The following SUPT3H variants were observed in gnomAD, a reference collection of about 807,000 sequenced individuals.
SUPT3H encodes SPT3 homolog, SAGA and STAGA complex component, also known as transcription initiation protein SPT3 homolog.
In SUPT3H, 44 loss-of-function variants were observed where a neutral mutation model predicts 44.3. The observed-to-expected ratio is 0.99, with a 90% CI of 0.78 to 1.28. The LOEUF (loss-of-function observed/expected upper bound fraction) is 1.28, where lower values mean the gene tolerates loss of function less well. Among genes scored for constraint, SUPT3H ranks in the 50% most tolerant of loss-of-function variants. The pLI is 0.00. For synonymous variants in SUPT3H, 124 were observed against 125.6 expected (o/e 0.99, Z 0.09); for missense variants, 380 against 387.1 (o/e 0.98, Z 0.15).
At chr6:45,138,533 G>A (rs1236878042) in intron 2 of SUPT3H, among the ~76,000 whole-genome samples, 1 of 152,116 alleles carries the variant, frequency 6.6e-6, no homozygotes, top group Non-Finnish European at 1.5e-5. Context: ...CAAAACTCAA[G>A]GAAATACTGA....
chr6:44,876,782 G>T (rs1386447363), intron 10 of SUPT3H, among the ~76,000 whole-genome samples: 1 of 139,410 alleles, frequency 7.2e-6, no homozygotes, highest in African/African-American at 2.7e-5. Context: ...AAGCAAAACT[G>T]TGCTTAAAAT....
chr6:44,872,254 T>C (rs1273896835), intron 10 of SUPT3H, among the ~76,000 whole-genome samples: 1 of 36,846 alleles, frequency 2.7e-5, no homozygotes, highest in Non-Finnish European at 5.9e-5. Flanking sequence ...GAGAGAAAGG[T>C]CGGGTTACCC....
Position 45,328,636 on chromosome 6 carries a change from G to C in SUPT3H, c.101+36565C>G, listed in dbSNP as rs1386535707. 3 of 1,609,932 alleles carry C rather than the reference G, an allele frequency of 1.9e-6. 1 individual carries two copies. On this transcript the variant is annotated intron_variant, in intron 2 of 10. Transcript: ENST00000371459. Reference sequence around the variant, plus strand: ...AGGCATACTGTAAAACTAAAACAAGGTTTGGGTATGGTTTGTATTTTCAGT... The same window carrying C: ...AGGCATACTGTAAAACTAAAACAAGCTTTGGGTATGGTTTGTATTTTCAGT...
At chr6:45,166,477 C>G (rs1324605473) in intron 2 of SUPT3H, among the ~76,000 whole-genome samples, 1 of 150,530 alleles carries the variant, frequency 6.6e-6, no homozygotes, top group East Asian at 2.0e-4. Context: ...CCCAGCTACT[C>G]GGGAGGCTGA....
chr6:45,228,036 C>G (rs1248350313), intron 2 of SUPT3H, among the ~76,000 whole-genome samples: 1 of 151,938 alleles, frequency 6.6e-6, no homozygotes, highest in Admixed American at 6.6e-5. Flanking sequence ...ACATACAGAG[C>G]AATGCTATGG....
chr6:45,010,927 C>A (rs1256694636), intron 5 of SUPT3H, among the ~76,000 whole-genome samples: 1 of 152,048 alleles, frequency 6.6e-6, no homozygotes, highest in Non-Finnish European at 1.5e-5. Context: ...TCTCATTAAA[C>A]ACTTTTGGAA....
intron 9 of SUPT3H, among the ~76,000 whole-genome samples, chr6:44,944,856 T>G (rs559011427): frequency 8.1e-4 from 121 of 150,302 alleles, no homozygotes; most frequent in African/African-American, 2.7e-3. Flanking sequence ...TTGCTGACTA[T>G]AAGAGATGAC....
At chr6:44,957,954 C>T (rs2153475998) in intron 7 of SUPT3H, among the ~76,000 whole-genome samples, 1 of 152,260 alleles carries the variant, frequency 6.6e-6, no homozygotes, top group South Asian at 2.1e-4. Context: ...AGAGCCTCAC[C>T]CTTCCAAGGT....
chr6:44,998,270 T>A (rs1260488956), intron 6 of SUPT3H, among the ~76,000 whole-genome samples: 1 of 151,842 alleles, frequency 6.6e-6, no homozygotes, highest in African/African-American at 2.4e-5. Flanking sequence ...AGCATACAAC[T>A]GTTTAAAAAA....
chr6:45,120,718 T>C (rs12530207), intron 2 of SUPT3H, among the ~76,000 whole-genome samples: 17,087 of 152,140 alleles, frequency 0.11, 1,357 homozygotes, highest in East Asian at 0.26. Context: ...CCTCTATTCA[T>C]GCAAATAGCT....
intron 2 of SUPT3H, among the ~76,000 whole-genome samples, chr6:45,311,384 A>G (rs1783924550): frequency 6.6e-6 from 1 of 152,224 alleles, no homozygotes; most frequent in Non-Finnish European, 1.5e-5. Context: ...CTTAGAAAAC[A>G]TATCTGGGGG....
At chr6:44,851,320 G>A (rs967865921) in intron 10 of SUPT3H, among the ~76,000 whole-genome samples, 3 of 152,222 alleles carry the variant, frequency 2.0e-5, no homozygotes, top group Non-Finnish European at 4.4e-5. Context: ...AAGTGGGGAT[G>A]TAAGAAATTC....
intron 6 of SUPT3H, among the ~76,000 whole-genome samples, chr6:44,978,731 C>A (rs1462137905): frequency 6.6e-6 from 1 of 152,024 alleles, no homozygotes; most frequent in South Asian, 2.1e-4. Flanking sequence ...GAGTAAGAAG[C>A]AACATGAAGG....
chr6:45,320,643 C>A (rs1694606728), intron 2 of SUPT3H, among the ~76,000 whole-genome samples: 1 of 152,070 alleles, frequency 6.6e-6, no homozygotes, highest in African/African-American at 2.4e-5. Context: ...GTTTACTTAT[C>A]ATCTGCTTTC....
At chr6:45,312,599 T>C (rs1447237292) in intron 2 of SUPT3H, among the ~76,000 whole-genome samples, 4 of 133,582 alleles carry the variant, frequency 3.0e-5, no homozygotes, top group African/African-American at 1.1e-4. Flanking sequence ...CCTAAACATA[T>C]ATGCACCTAA....
Position 45,173,965 on chromosome 6 carries a change from C to T in SUPT3H, c.102-67959G>A, listed in dbSNP as rs185902319. ...CCTTTTTACTTTTGTGCCCCTGCTG[C>T]CCAAAGAGTTACTGGAAAATAGGGC... On this transcript the variant is annotated intron_variant, in intron 2 of 10. Transcript: ENST00000371459. Among the ~76,000 whole-genome samples, 20 of 152,270 alleles carry T rather than the reference C, an allele frequency of 1.3e-4. No homozygotes were observed. In the East Asian group the frequency reaches 2.9e-3, roughly 22 times the overall value.
At chr6:45,327,869 T>C (rs939327966) in intron 2 of SUPT3H, among the ~76,000 whole-genome samples, 2 of 151,986 alleles carry the variant, frequency 1.3e-5, no homozygotes, top group Non-Finnish European at 2.9e-5. Context: ...TGAATTATTG[T>C]ATATCATCAC....
intron 2 of SUPT3H, chr6:45,328,764 G>C: frequency 6.2e-7 from 1 of 1,612,116 alleles, no homozygotes; most frequent in Non-Finnish European, 8.5e-7. Context: ...GTGACACCAT[G>C]TCAGCAAAAC....
rs1783714584 is a variant in SUPT3H, at chr6:45,310,126, G to A, written c.101+55075C>T. On this transcript the variant is annotated intron_variant, in intron 2 of 10. Transcript: ENST00000371459. ...GGGAATGAGACCAGCCTTTCAGTTCGCTTGGGAGCTAAGTGAGGCCTGTGA... is the reference window on the plus strand; with the variant it reads ...GGGAATGAGACCAGCCTTTCAGTTCACTTGGGAGCTAAGTGAGGCCTGTGA... Among the ~76,000 whole-genome samples, 5 of 152,284 alleles carry A rather than the reference G, an allele frequency of 3.3e-5. No individual in the cohort carries two copies. The South Asian group carries it at 1.0e-3, about 32-fold the overall frequency.
Sources: gnomAD v4.1 joint callset for allele counts (sites outside exome capture counted in the v4.1 genomes callset) on GRCh38, gnomAD v4.1.1 for gene constraint, MANE v1.5 for transcripts, NCBI Gene and HGNC (gene_info 2026-07-23, HGNC 2026-07-21) for gene names.